Variants in HNF1A observed in about 807,000 individuals in gnomAD.
The protein encoded by HNF1A is hepatocyte nuclear factor 1-alpha.
Under a neutral mutation model 62.2 loss-of-function variants are expected in HNF1A, and 21 were observed. The ratio of observed to expected loss-of-function variants is 0.34; its 90% CI spans 0.24 to 0.49. HNF1A has a LOEUF of 0.49. Ranked by LOEUF, HNF1A falls within the 20% of genes least tolerant of loss-of-function variation. The pLI is 0.99. For missense variants in HNF1A, 687 were observed against 832.3 expected, an observed-to-expected ratio of 0.83 and a Z score of 2.15; for synonymous variants, 374 against 366.8, an observed-to-expected ratio of 1.02 and a Z score of -0.22.
In HNF1A at chr12:121,001,265, G is replaced by A; in HGVS notation, c.*73G>A. On this transcript the variant is annotated 3_prime_UTR_variant, in exon 10 of 10. Coordinates refer to ENST00000257555, the MANE Select transcript of HNF1A (RefSeq NM_000545.8). ...TGAGGGCAGCAGCCAGCCCTGCCTG[G>A]AGGACCTGAGCCTGCCGAGCAACCG... is the stretch of plus-strand genomic sequence containing the variant. 1.9e-6 allele frequency: 3 copies of A among 1,575,520 alleles called. No individual in the cohort carries two copies. Among genetic ancestry groups the A allele is most frequent in the Non-Finnish European group, 2.6e-6 (3 of 1,155,894 alleles).
At chr12:120,993,986 CTG>C (rs924513259) in intron 3 of HNF1A, among the ~76,000 whole-genome samples, 176 bp from the exon 4 acceptor site, 10 of 152,210 alleles carry the variant, frequency 6.6e-5, no homozygotes, top group South Asian at 4.1e-4. Context: ...AATGGAGAGA[CTG>C]AGGTCAGACA....
chr12:120,987,970 T>C (rs1242132869), intron 1 of HNF1A, among the ~76,000 whole-genome samples: 1 of 152,168 alleles, frequency 6.6e-6, no homozygotes, highest in Non-Finnish European at 1.5e-5. Context: ...CTTTCCTTTT[T>C]CCAGCAGGTC....
intron 4 of HNF1A, among the ~76,000 whole-genome samples, chr12:120,994,935 AC>A: frequency 6.9e-6 from 1 of 145,108 alleles, no homozygotes; most frequent in South Asian, 2.2e-4. Context: ...CACTCCATCC[AC>A]TCCACTCCAT....
chr12:120,981,367 C>A (rs1876242316), intron 1 of HNF1A, among the ~76,000 whole-genome samples: 1 of 152,196 alleles, frequency 6.6e-6, no homozygotes, highest in African/African-American at 2.4e-5. Context: ...TTCTTCAGAT[C>A]TCCCCCTTAG....
chr12:120,995,806 C>T (rs901800208), intron 4 of HNF1A, among the ~76,000 whole-genome samples: 4 of 152,108 alleles, frequency 2.6e-5, no homozygotes, highest in Admixed American at 2.6e-4. Context: ...GTACCCATTC[C>T]ACTTGATCCC....
rs193922601 is a variant in HNF1A, at chr12:120,993,720, C to T, written c.713+14C>T. 176 of 1,612,446 alleles carry T rather than the reference C, an allele frequency of 1.1e-4. 1 individual carries two copies. The highest frequency in any genetic ancestry group is 7.6e-4 in the South Asian group (69 of 90,944). ...GGAGTGCAATAGGTACAACGGCGGGCGGGAAACAGTGCTGGTTTGGTCTGG... is the reference window on the plus strand; with the variant it reads ...GGAGTGCAATAGGTACAACGGCGGGTGGGAAACAGTGCTGGTTTGGTCTGG... On this transcript the variant is annotated intron_variant, in intron 3 of 9. Coordinates refer to ENST00000257555, the MANE Select transcript of HNF1A (RefSeq NM_000545.8).
chr12:120,999,178 C>T, intron 7 of HNF1A, 90 bp from the exon 8 acceptor site: 1 of 1,503,616 alleles, frequency 6.7e-7, no homozygotes, highest in Non-Finnish European at 9.2e-7. Flanking sequence ...GTTCAGCAGG[C>T]CCCATGCCCC....
chr12:120,980,069 T>C lies in HNF1A; in HGVS notation c.326+975T>C, dbSNP rs1876173757. Among the ~76,000 whole-genome samples the C allele has an allele frequency of 2.6e-5, 4 of 152,176 alleles. No individual in the cohort carries two copies. In the South Asian group the frequency reaches 8.3e-4, roughly 32 times the overall value. On this transcript the variant is annotated intron_variant, in intron 1 of 9. Transcript: ENST00000257555. Reference sequence around the variant, plus strand: ...GCGCCTGCTTGAGGAGGTTCACTACTTCCTGGGCGCTGTGCTGAGGTTTCA... The same window carrying C: ...GCGCCTGCTTGAGGAGGTTCACTACCTCCTGGGCGCTGTGCTGAGGTTTCA...
Position 121,001,207 on chromosome 12 carries a change from C to T in HNF1A, c.*15C>T, listed in dbSNP as rs1332633990. Reference sequence around the variant, plus strand: ...CCTCCCAGTAACCACGGCACCTGGGCCCTGGGGCCTGTACTGCCTGCTTGG... The same window carrying T: ...CCTCCCAGTAACCACGGCACCTGGGTCCTGGGGCCTGTACTGCCTGCTTGG... On this transcript the variant is annotated 3_prime_UTR_variant, in exon 10 of 10. Transcript: ENST00000257555. 6.2e-7 allele frequency: 1 copy of T among 1,613,674 alleles called. No individual in the cohort carries two copies. The highest frequency in any genetic ancestry group is 8.5e-7 in the Non-Finnish European group (1 of 1,179,880).
At chr12:120,994,019 C>G in intron 3 of HNF1A, 145 bp from the exon 4 acceptor site, 2 of 1,095,320 alleles carry the variant, frequency 1.8e-6, no homozygotes, top group Non-Finnish European at 2.7e-6. Flanking sequence ...TGCCCAAGGT[C>G]ACACAGCAGA....
rs2135842517 is a variant in HNF1A at position 120,994,355 on chromosome 12, A to T, written c.905A>T (p.His302Leu). The T allele has an allele frequency of 5.6e-6, 9 of 1,600,230 alleles. No homozygotes were observed. The highest frequency in any genetic ancestry group is 6.8e-6 in the Non-Finnish European group (8 of 1,173,736). The change falls in exon 4 of 10, where the codon CAC (histidine) becomes CTC (leucine). Residue 302 changes from histidine (H) to leucine (L), a missense_variant. His to Leu is a moderately conservative substitution (Grantham distance 99). This residue lies in a region of HNF1A where 408 missense variants were observed against 455.3 expected (regional missense o/e 0.90). Coordinates refer to ENST00000257555, the MANE Select transcript of HNF1A (RefSeq NM_000545.8). ...GGCCCGGGACCTGCGCTGCCCGCTC[A>T]CAGCTCCCCTGGCCTGCCTCCACCT... is the stretch of plus-strand genomic sequence containing the variant. ...GPGPGPALPA[H>L]SSPGLPPPAL...
intron 1 of HNF1A, chr12:120,979,626 G>C (rs1876145743): frequency 6.3e-6 from 1 of 158,612 alleles, no homozygotes; most frequent in Non-Finnish European, 1.4e-5. Context: ...GAGGCAGACA[G>C]AGCCTCGAGG....
rs1877479866 is a variant in HNF1A, at chr12:121,001,485, T to C, written c.*293T>C. On this transcript the variant is annotated 3_prime_UTR_variant, in exon 10 of 10. Transcript: ENST00000257555. ...GCTTCGTGGGATACAGTCTTCTTAC[T>C]TGGAACTGAAGGGGGCGGCCTATGA... is the stretch of plus-strand genomic sequence containing the variant. 4.2e-6 allele frequency: 2 copies of C among 479,148 alleles called. No homozygotes were observed. Among genetic ancestry groups the C allele is most frequent in the Admixed American group, 3.3e-5 (1 of 30,098 alleles). The allele number at this position is 479,148 out of a possible 1,614,324, so 29.7% of individuals were successfully genotyped here.
intron 2 of HNF1A, among the ~76,000 whole-genome samples, chr12:120,990,139 T>A (rs1876739716): frequency 6.6e-6 from 1 of 152,118 alleles, no homozygotes; most frequent in Non-Finnish European, 1.5e-5. Flanking sequence ...TAATTTTTTT[T>A]TATTATTTTT....
At position 121,001,432 on chromosome 12, in the gene HNF1A, C is replaced by A. The variant is rs1877475530; in HGVS notation, c.*240C>A. 5.4e-6 allele frequency: 3 copies of A among 559,068 alleles called. No individual in the cohort carries two copies. The highest frequency in any genetic ancestry group is 9.7e-6 in the Non-Finnish European group (3 of 310,386). 34.6% of individuals were successfully genotyped at this position (559,068 alleles called of 1,614,324 possible). On this transcript the variant is annotated 3_prime_UTR_variant, in exon 10 of 10. Transcript: ENST00000257555. ...TGGAGAGCTAGGAGCAAAGCCTGTT[C>A]ATGGCAGATGTAGGAGGGACTGTCG...
At chr12:120,984,175 A>T (rs1207487754) in intron 1 of HNF1A, among the ~76,000 whole-genome samples, 4 of 152,170 alleles carry the variant, frequency 2.6e-5, no homozygotes, top group Non-Finnish European at 4.4e-5. Context: ...GGAATTGTTT[A>T]AAAGTGGAAC....
At chr12:120,993,823 T>C (rs1565885666) in intron 3 of HNF1A, 117 bp downstream of exon 3, 1 of 1,122,036 alleles carries the variant, frequency 8.9e-7, no homozygotes, top group South Asian at 1.5e-5. Flanking sequence ...ACTCCTGATA[T>C]TGGCTTAGCC....
chr12:120,991,022 T>C (rs1876810230), intron 2 of HNF1A, among the ~76,000 whole-genome samples: 1 of 152,244 alleles, frequency 6.6e-6, no homozygotes, highest in Non-Finnish European at 1.5e-5. Flanking sequence ...TCATTCTTTA[T>C]AAGGGCTGCT....
rs190809850 is a variant in HNF1A at position 120,984,003 on chromosome 12, G to A, written c.327-4830G>A. ...AGAGAGAGAGTGATAGCAAGGGAGTGGGGGGTAGGGAGAGAGAGACATCGA... is the reference window on the plus strand; with the variant it reads ...AGAGAGAGAGTGATAGCAAGGGAGTAGGGGGTAGGGAGAGAGAGACATCGA... On this transcript the variant is annotated intron_variant, in intron 1 of 9. Transcript: ENST00000257555. Among the ~76,000 whole-genome samples, 502 of 152,008 alleles carry A rather than the reference G, an allele frequency of 3.3e-3. 3 individuals carry two copies. Among genetic ancestry groups the A allele is most frequent in the African/African-American group, 0.011 (471 of 41,442 alleles).
Sources: allele counts gnomAD v4.1 joint callset (sites outside exome capture counted in the v4.1 genomes callset), GRCh38; gene constraint gnomAD v4.1.1; regional missense constraint gnomAD v4.1.1; transcripts MANE v1.5; gene names NCBI Gene and HGNC (gene_info 2026-07-23, HGNC 2026-07-21).